Variants in BRINP3 observed in about 807,000 individuals in gnomAD.
The protein encoded by BRINP3 is BMP/retinoic acid inducible neural specific 3.
In BRINP3, 19 loss-of-function variants were observed where a neutral mutation model predicts 71.0. That is an observed-to-expected ratio of 0.27 (90% confidence interval 0.19 to 0.39). The LOEUF (loss-of-function observed/expected upper bound fraction) is 0.39, where lower values mean the gene tolerates loss of function less well. Ranked by LOEUF, BRINP3 falls within the 10% of genes least tolerant of loss-of-function variation. The pLI, the probability that BRINP3 is intolerant of heterozygous loss-of-function variation, is 1.00. For synonymous variants in BRINP3, 380 were observed against 337.7 expected (o/e 1.13, Z -1.37); for missense variants, 959 against 940.8 (o/e 1.02, Z -0.25).
chr1:190,453,478 A>G (rs1350515677), intron 2 of BRINP3, among the ~76,000 whole-genome samples: 3 of 151,880 alleles, frequency 2.0e-5, no homozygotes, highest in East Asian at 1.9e-4. Flanking sequence ...CTGCCTCCCA[A>G]AGTGCTAGGA....
intron 2 of BRINP3, among the ~76,000 whole-genome samples, chr1:190,339,304 T>C (rs550885618): frequency 6.6e-6 from 1 of 152,084 alleles, no homozygotes; most frequent in South Asian, 2.1e-4. Flanking sequence ...AAAAGGATTG[T>C]AATCCTAGAC....
intron 6 of BRINP3, among the ~76,000 whole-genome samples, chr1:190,218,815 A>G (rs1168014427): frequency 6.6e-6 from 1 of 152,080 alleles, no homozygotes; most frequent in Non-Finnish European, 1.5e-5. Context: ...TTGATCAAAT[A>G]AATCTTAAGG....
chr1:190,354,651 C>A (rs578041721), intron 2 of BRINP3, among the ~76,000 whole-genome samples: 1 of 151,798 alleles, frequency 6.6e-6, no homozygotes, highest in Admixed American at 6.6e-5. Context: ...GATTAATTGC[C>A]ACCCTTTGTA....
intron 2 of BRINP3, among the ~76,000 whole-genome samples, chr1:190,378,013 T>C (rs1670290411): frequency 6.6e-6 from 1 of 151,978 alleles, no homozygotes; most frequent in African/African-American, 2.4e-5. Flanking sequence ...TGCAAACATA[T>C]GAAAACTCAT....
intron 2 of BRINP3, among the ~76,000 whole-genome samples, chr1:190,292,493 T>A (rs1320505697): frequency 6.6e-6 from 1 of 151,750 alleles, no homozygotes; most frequent in Non-Finnish European, 1.5e-5. Context: ...TACAAAAAAA[T>A]AAAAAATAGC....
chr1:190,355,544 C>T (rs888211699), intron 2 of BRINP3, among the ~76,000 whole-genome samples: 9 of 151,744 alleles, frequency 5.9e-5, no homozygotes, highest in Non-Finnish European at 8.8e-5. Context: ...CCTGTTTCCC[C>T]GAAATATAGA....
At chr1:190,266,965 T>C (rs7511657) in intron 3 of BRINP3, among the ~76,000 whole-genome samples, 59,373 of 151,944 alleles carry the variant, frequency 0.39, 12,800 homozygotes, top group Non-Finnish European at 0.49. Context: ...TGAGAAAAAA[T>C]AGCAATGTAG....
At position 190,232,985 on chromosome 1, in the gene BRINP3, G is replaced by A. The variant is rs1479090481; in HGVS notation, c.724+1387C>T. Among the ~76,000 whole-genome samples the A allele has an allele frequency of 2.6e-5, 4 of 151,794 alleles. No homozygotes were observed. In the East Asian group the frequency reaches 7.7e-4, roughly 29 times the overall value. On this transcript the variant is annotated intron_variant, in intron 5 of 7. Coordinates refer to ENST00000367462, the MANE Select transcript of BRINP3 (RefSeq NM_199051.3). ...AATCTATAATTGATATTGATAAATT[G>A]GATAACATTTAAATTGTTAAAGTAT... is the stretch of plus-strand genomic sequence containing the variant.
intron 7 of BRINP3, among the ~76,000 whole-genome samples, chr1:190,106,147 A>G (rs1652143586): frequency 6.6e-6 from 1 of 151,992 alleles, no homozygotes; most frequent in East Asian, 1.9e-4. Flanking sequence ...GGCCTCTCCT[A>G]TGTTCTTTTA....
intron 7 of BRINP3, among the ~76,000 whole-genome samples, chr1:190,141,704 C>G (rs745848555): frequency 6.6e-6 from 1 of 151,542 alleles, no homozygotes; most frequent in Non-Finnish European, 1.5e-5. Flanking sequence ...GGGTTACAGG[C>G]GTGTGCCATC....
chr1:190,160,181 TA>T (rs1302898965), intron 7 of BRINP3, among the ~76,000 whole-genome samples: 3 of 152,080 alleles, frequency 2.0e-5, no homozygotes, highest in Non-Finnish European at 4.4e-5. Context: ...TCATTCCTAT[TA>T]AATTTTAGAA....
intron 2 of BRINP3, among the ~76,000 whole-genome samples, chr1:190,428,745 A>G (rs1036217784): frequency 6.6e-5 from 10 of 152,254 alleles, no homozygotes; most frequent in African/African-American, 2.4e-4. Context: ...TATACATTGT[A>G]TATATGTATT....
chr1:190,169,233 T>C (rs185182394), intron 6 of BRINP3, among the ~76,000 whole-genome samples: 1 of 152,284 alleles, frequency 6.6e-6, no homozygotes, highest in East Asian at 1.9e-4. Context: ...CTCTTCAAAA[T>C]GAAGAACAAG....
chr1:190,203,421 G>GCA (rs1655180872), intron 6 of BRINP3, among the ~76,000 whole-genome samples: 1 of 144,824 alleles, frequency 6.9e-6, no homozygotes, highest in Admixed American at 7.0e-5. Context: ...ATGTGTGTGT[G>GCA]TATATATATA....
chr1:190,419,729 T>G (rs760809770), intron 2 of BRINP3, among the ~76,000 whole-genome samples: 9 of 150,512 alleles, frequency 6.0e-5, no homozygotes, highest in Non-Finnish European at 1.3e-4. Flanking sequence ...GTTAGCTTTC[T>G]AAGAAACACA....
chr1:190,475,631 CG>C, intron 1 of BRINP3: 1 of 152,214 alleles, frequency 6.6e-6, no homozygotes, highest in African/African-American at 2.4e-5. Context: ...GTGGCATAGG[CG>C]TTGCCGTGAG....
chr1:190,474,634 G>C (rs1677375395), intron 1 of BRINP3: 1 of 152,412 alleles, frequency 6.6e-6, no homozygotes, highest in Admixed American at 6.5e-5. Context: ...ATTTTACACA[G>C]CTCCAAACAT....
At chr1:190,312,785 A>AT (rs1665625631) in intron 2 of BRINP3, among the ~76,000 whole-genome samples, 1 of 151,740 alleles carries the variant, frequency 6.6e-6, no homozygotes, top group Non-Finnish European at 1.5e-5. Context: ...TATGGGTGAT[A>AT]TTTTTCAGGA....
At chr1:190,391,839 G>A (rs1361995899) in intron 2 of BRINP3, among the ~76,000 whole-genome samples, 1 of 151,688 alleles carries the variant, frequency 6.6e-6, no homozygotes. Flanking sequence ...AATTCTTCCA[G>A]CATTAAAGAT....
Sources: gnomAD v4.1 joint callset for allele counts (sites outside exome capture counted in the v4.1 genomes callset) on GRCh38, gnomAD v4.1.1 for gene constraint, MANE v1.5 for transcripts, NCBI Gene and HGNC (gene_info 2026-07-23, HGNC 2026-07-21) for gene names.